Variants in SIPA1L3 observed in about 807,000 individuals in gnomAD.
SIPA1L3 encodes the protein signal induced proliferation associated 1 like 3.
A neutral mutation model predicts 150.1 loss-of-function variants in SIPA1L3; 59 were observed. The ratio of observed to expected loss-of-function variants is 0.39; its 90% confidence interval spans 0.32 to 0.49. The LOEUF is 0.49. Ranked by LOEUF, SIPA1L3 falls within the 20% of genes least tolerant of loss-of-function variation. The pLI is 0.86. For missense variants in SIPA1L3, 2,211 were observed against 2,489.5 expected, an observed-to-expected ratio of 0.89 and a Z score of 2.38; for synonymous variants, 1,070 against 1,077.6, an observed-to-expected ratio of 0.99 and a Z score of 0.14.
chr19:37,949,215 T>G (rs1272545356), intron 1 of SIPA1L3, among the ~76,000 whole-genome samples: 1 of 152,224 alleles, frequency 6.6e-6, no homozygotes, highest in East Asian at 1.9e-4. Context: ...CTTCTCTCTT[T>G]GGGTTTCTCC....
intron 1 of SIPA1L3, among the ~76,000 whole-genome samples, chr19:37,939,235 A>C (rs1430774998): frequency 6.6e-6 from 1 of 151,980 alleles, no homozygotes; most frequent in Non-Finnish European, 1.5e-5. Flanking sequence ...TGTATCTGTT[A>C]GGATTAGTTT....
chr19:38,196,482 T>C (rs1223106735), intron 18 of SIPA1L3, among the ~76,000 whole-genome samples: 1 of 54,072 alleles, frequency 1.8e-5, no homozygotes, highest in Non-Finnish European at 3.7e-5. Context: ...GGGCAGAGTG[T>C]GGATGTCAAG....
chr19:38,135,734 G>C (rs143902691), intron 10 of SIPA1L3, among the ~76,000 whole-genome samples: 1 of 152,106 alleles, frequency 6.6e-6, no homozygotes, highest in Non-Finnish European at 1.5e-5. Flanking sequence ...AGGATCTCCC[G>C]TTTGCAGGGG....
intron 12 of SIPA1L3, among the ~76,000 whole-genome samples, chr19:38,150,766 C>T (rs931983941): frequency 6.6e-6 from 1 of 152,026 alleles, no homozygotes; most frequent in Non-Finnish European, 1.5e-5. Context: ...GTCTCGAACT[C>T]CTGAGCTCTA....
At chr19:38,040,632 A>G (rs1968896073) in intron 2 of SIPA1L3, among the ~76,000 whole-genome samples, 2 of 152,220 alleles carry the variant, frequency 1.3e-5, no homozygotes. Flanking sequence ...GCTTTGAGAC[A>G]GTTTTCAGTG....
At chr19:37,959,860 G>A (rs893530778) in intron 1 of SIPA1L3, among the ~76,000 whole-genome samples, 4 of 146,298 alleles carry the variant, frequency 2.7e-5, no homozygotes, top group African/African-American at 7.6e-5. Flanking sequence ...ATCACAGCAT[G>A]CGTCTAAATT....
In SIPA1L3 at chr19:38,010,626, G is replaced by A. The variant is rs187902291; in HGVS notation, c.-378-18463G>A. On this transcript the variant is annotated intron_variant, in intron 1 of 21. Coordinates refer to ENST00000222345, the MANE Select transcript of SIPA1L3 (RefSeq NM_015073.3). ...CTCGGGAGGCTGAGGCAGGAGAATCGCTTGAACCCAGGAGGTGGAGGTTGC... is the reference window on the plus strand; with the variant it reads ...CTCGGGAGGCTGAGGCAGGAGAATCACTTGAACCCAGGAGGTGGAGGTTGC... 1.0e-3 allele frequency among the ~76,000 whole-genome samples: 157 copies of A among 152,242 alleles called. 2 individuals are homozygous for A. The East Asian group carries it at 0.019, about 19-fold the overall frequency.
chr19:37,940,401 C>T (rs1325055031), intron 1 of SIPA1L3, among the ~76,000 whole-genome samples: 14 of 152,042 alleles, frequency 9.2e-5, no homozygotes, highest in Admixed American at 9.2e-4. Flanking sequence ...TATTTTAACG[C>T]TAAATAGTTG....
chr19:38,026,950 T>C, intron 1 of SIPA1L3, among the ~76,000 whole-genome samples: 1 of 152,186 alleles, frequency 6.6e-6, no homozygotes, highest in East Asian at 1.9e-4. Flanking sequence ...ACCTACCTGT[T>C]TCTAAATCAC....
chr19:37,987,648 C>T (rs999593187), intron 1 of SIPA1L3, among the ~76,000 whole-genome samples: 1 of 152,240 alleles, frequency 6.6e-6, no homozygotes, highest in African/African-American at 2.4e-5. Flanking sequence ...CTCGCACCCT[C>T]TAATTTCACC....
chr19:38,162,534 T>G (rs951581312), intron 14 of SIPA1L3, among the ~76,000 whole-genome samples, 163 bp downstream of exon 14: 8 of 152,202 alleles, frequency 5.3e-5, no homozygotes. Context: ...ACATTCTGGC[T>G]CCAGCCCTCA....
At position 38,065,240 on chromosome 19, in the gene SIPA1L3, C is replaced by T. The variant is rs779566641; in HGVS notation, c.-310-16016C>T. 7.9e-5 allele frequency among the ~76,000 whole-genome samples: 12 copies of T among 151,972 alleles called. 1 individual carries two copies. Among genetic ancestry groups the T allele is most frequent in the Non-Finnish European group, 1.3e-4 (9 of 68,002 alleles). ...CTCTGCGTGGGAGCCTGTCGCCAGGCCACGGAGGACTCTGCCTTTGGAAAC... is the reference window on the plus strand; with the variant it reads ...CTCTGCGTGGGAGCCTGTCGCCAGGTCACGGAGGACTCTGCCTTTGGAAAC... On this transcript the variant is annotated intron_variant, in intron 2 of 21. Transcript: ENST00000222345.
At chr19:37,965,844 TC>T (rs1279008971) in intron 1 of SIPA1L3, among the ~76,000 whole-genome samples, 2 of 152,080 alleles carry the variant, frequency 1.3e-5, no homozygotes, top group Non-Finnish European at 2.9e-5. Flanking sequence ...CCCCTGTCTC[TC>T]CAGGCTTCAT....
chr19:37,973,335 C>G (rs1254583316), intron 1 of SIPA1L3, among the ~76,000 whole-genome samples: 1 of 149,088 alleles, frequency 6.7e-6, no homozygotes, highest in Non-Finnish European at 1.5e-5. Flanking sequence ...TTCCTGGGTT[C>G]AGGTGATTCT....
At chr19:38,204,300 G>C (rs555491299) in intron 21 of SIPA1L3, 92 bp downstream of exon 21, 2 of 978,864 alleles carry the variant, frequency 2.0e-6, no homozygotes, top group East Asian at 2.6e-5. Flanking sequence ...CGCCATGCAG[G>C]ACCCACCCCA....
intron 1 of SIPA1L3, among the ~76,000 whole-genome samples, chr19:37,922,697 T>C (rs1227236838): frequency 6.6e-6 from 1 of 151,714 alleles, no homozygotes; most frequent in Non-Finnish European, 1.5e-5. Flanking sequence ...CCGGCCTTGA[T>C]TTTTAAACTT....
At chr19:38,044,831 A>ACCCAGACATCTGGGCGCCC (rs1376636031) in intron 2 of SIPA1L3, among the ~76,000 whole-genome samples, 2 of 152,098 alleles carry the variant, frequency 1.3e-5, no homozygotes, top group Admixed American at 6.5e-5. Flanking sequence ...CAGAAACATA[A>ACCCAGACATCTGGGCGCCC]CCCAGACATC....
intron 10 of SIPA1L3, among the ~76,000 whole-genome samples, chr19:38,135,921 A>G (rs1355039169): frequency 6.6e-6 from 1 of 151,840 alleles, no homozygotes; most frequent in Non-Finnish European, 1.5e-5. Flanking sequence ...GACGGGATAG[A>G]AGTGCCCTCG....
chr19:38,110,716 C>T lies in SIPA1L3; in HGVS notation c.2291+332C>T, dbSNP rs963882946. On this transcript the variant is annotated intron_variant, in intron 8 of 21. Transcript: ENST00000222345. ...CACCTTTAGGCCTGGCTGGATCTGC[C>T]ACCGCCCTCCTGGGGGTCACCTTTC... is the stretch of plus-strand genomic sequence containing the variant. Among the ~76,000 whole-genome samples, 5 of 152,298 alleles carry T rather than the reference C, an allele frequency of 3.3e-5. No individual in the cohort carries two copies. The East Asian group carries it at 9.6e-4, about 29-fold the overall frequency.
Sources: gnomAD v4.1 joint callset for allele counts (sites outside exome capture counted in the v4.1 genomes callset) on GRCh38, gnomAD v4.1.1 for gene constraint, MANE v1.5 for transcripts, NCBI Gene and HGNC (gene_info 2026-07-23, HGNC 2026-07-21) for gene names.